Variants in SUMF1 observed in about 807,000 individuals in gnomAD.
The protein encoded by SUMF1 is sulfatase modifying factor 1.
SUMF1 carries 48 observed loss-of-function variants against 47.6 expected under a neutral mutation model. The ratio of observed to expected loss-of-function variants is 1.01; its 90% CI spans 0.80 to 1.28. SUMF1 has a LOEUF of 1.28. Ranked by LOEUF, SUMF1 falls within the 50% of genes most tolerant of loss-of-function variation. The pLI, the probability that SUMF1 is intolerant of heterozygous loss-of-function variation, is 0.00. For missense variants in SUMF1, 571 were observed against 485.4 expected, an observed-to-expected ratio of 1.18 and a Z score of -1.66; for synonymous variants, 230 against 192.1, an observed-to-expected ratio of 1.20 and a Z score of -1.63.
intron 8 of SUMF1, among the ~76,000 whole-genome samples, chr3:4,355,596 T>C (rs989404264): frequency 6.6e-6 from 1 of 152,186 alleles, no homozygotes; most frequent in African/African-American, 2.4e-5. Context: ...AGTCTGTTAG[T>C]GGTTTCACTT....
At chr3:4,328,498 T>C (rs1243722200) in intron 8 of SUMF1, among the ~76,000 whole-genome samples, 1 of 152,146 alleles carries the variant, frequency 6.6e-6, no homozygotes, top group Non-Finnish European at 1.5e-5. Context: ...ACATCTTACA[T>C]GGTGGCAGGC....
intron 8 of SUMF1, chr3:4,313,462 G>T (rs367921221): frequency 3.7e-6 from 6 of 1,613,848 alleles, no homozygotes; most frequent in Non-Finnish European, 4.2e-6. Context: ...TGACTCAATG[G>T]TACCTAAGTT....
rs538865669 is a variant in SUMF1, at chr3:4,074,707, A to T, written c.1015-5962T>A. On this transcript the variant is annotated intron_variant and NMD_transcript_variant, in intron 8 of 12. Transcript: ENST00000448413. ...AAACTACCATCAGAGAATAGTATAA[A>T]CACCTCTATGCAAATAAATTAGAAA... Among the ~76,000 whole-genome samples, 16 of 152,260 alleles carry T rather than the reference A, an allele frequency of 1.1e-4. No homozygotes were observed. In the South Asian group the frequency reaches 3.3e-3, roughly 32 times the overall value.
At chr3:4,412,541 A>C (rs1701577261) in intron 6 of SUMF1, among the ~76,000 whole-genome samples, 1 of 152,218 alleles carries the variant, frequency 6.6e-6, no homozygotes, top group South Asian at 2.1e-4. Context: ...GAAGAAATTC[A>C]GTTATTTCAG....
intron 8 of SUMF1, among the ~76,000 whole-genome samples, chr3:4,275,079 C>G (rs7427537): frequency 1.3e-5 from 2 of 152,058 alleles, no homozygotes; most frequent in South Asian, 4.2e-4. Flanking sequence ...TAGGGTTGGT[C>G]TGGGTTTTTG....
At chr3:4,406,036 T>A (rs1292929664) in intron 7 of SUMF1, among the ~76,000 whole-genome samples, 1 of 152,156 alleles carries the variant, frequency 6.6e-6, no homozygotes, top group Non-Finnish European at 1.5e-5. Flanking sequence ...TTTTCTTTTT[T>A]CCCTGCCTCG....
chr3:4,217,453 T>C (rs186191632), intron 8 of SUMF1, among the ~76,000 whole-genome samples: 1,348 of 134,746 alleles, frequency 0.01, 39 homozygotes, highest in African/African-American at 0.035. Context: ...CCATGGCACA[T>C]GTATACCTAT....
At chr3:4,081,104 A>T (rs1479797094) in intron 8 of SUMF1, among the ~76,000 whole-genome samples, 2 of 152,110 alleles carry the variant, frequency 1.3e-5, no homozygotes, top group Non-Finnish European at 1.5e-5. Context: ...TGACATAATG[A>T]CCTCACTTTT....
intron 8 of SUMF1, among the ~76,000 whole-genome samples, chr3:4,114,608 A>G (rs1693381761): frequency 6.6e-6 from 1 of 152,150 alleles, no homozygotes; most frequent in African/African-American, 2.4e-5. Flanking sequence ...GACCCGTATC[A>G]GGTTAAACCA....
At chr3:4,159,114 G>T (rs1466242226) in intron 8 of SUMF1, among the ~76,000 whole-genome samples, 1 of 151,132 alleles carries the variant, frequency 6.6e-6, no homozygotes, top group African/African-American at 2.5e-5. Context: ...ATAATATTCT[G>T]TGTTTCTCTG....
intron 3 of SUMF1, among the ~76,000 whole-genome samples, chr3:4,429,464 G>C (rs1575211733): frequency 1.3e-5 from 2 of 152,190 alleles, no homozygotes; most frequent in Non-Finnish European, 2.9e-5. Flanking sequence ...AAGCTTCTGA[G>C]AAGAGAGGTC....
intron 2 of SUMF1, 59 bp from the exon 3 acceptor site, chr3:4,449,399 T>C: frequency 6.6e-7 from 1 of 1,520,160 alleles, no homozygotes; most frequent in Non-Finnish European, 9.1e-7. Flanking sequence ...GTTGCATGTG[T>C]GCCCTTTTCT....
intron 8 of SUMF1, among the ~76,000 whole-genome samples, chr3:4,194,052 T>C (rs992591717): frequency 7.2e-5 from 11 of 152,136 alleles, no homozygotes; most frequent in African/African-American, 1.7e-4. Flanking sequence ...CAATTGTCTA[T>C]TGCAACACTG....
chr3:4,128,860 C>T (rs1240852515), intron 8 of SUMF1, among the ~76,000 whole-genome samples: 1 of 152,082 alleles, frequency 6.6e-6, no homozygotes, highest in African/African-American at 2.4e-5. Context: ...AGGGACTCTG[C>T]ATTTAATGTT....
intron 7 of SUMF1, among the ~76,000 whole-genome samples, chr3:4,378,290 T>G (rs996845719): frequency 2.0e-5 from 3 of 152,202 alleles, no homozygotes; most frequent in African/African-American, 7.2e-5. Flanking sequence ...TGCTGAATAC[T>G]GAACTGAAAG....
intron 8 of SUMF1, among the ~76,000 whole-genome samples, chr3:4,335,960 C>CAAAATAAACAA (rs1699139023): frequency 1.4e-5 from 1 of 73,908 alleles, no homozygotes. Context: ...GATTCCAACT[C>CAAAATAAACAA]AAAAAAAAAA....
At chr3:4,430,198 T>C (rs1364331961) in intron 3 of SUMF1, among the ~76,000 whole-genome samples, 1 of 152,148 alleles carries the variant, frequency 6.6e-6, no homozygotes, top group East Asian at 1.9e-4. Flanking sequence ...GTACGGAGAA[T>C]AAAAGGTTCC....
chr3:4,450,368 A>T (rs1702928612), intron 2 of SUMF1, among the ~76,000 whole-genome samples: 1 of 152,198 alleles, frequency 6.6e-6, no homozygotes, highest in Non-Finnish European at 1.5e-5. Flanking sequence ...ACTAGATGAA[A>T]TTAACTGAGT....
chr3:4,210,927 A>T (rs995567817), intron 8 of SUMF1, among the ~76,000 whole-genome samples: 10 of 151,350 alleles, frequency 6.6e-5, no homozygotes, highest in African/African-American at 2.4e-4. Context: ...AAAAGGCTAG[A>T]CTGGCATAGC....
Sources: allele counts gnomAD v4.1 joint callset (sites outside exome capture counted in the v4.1 genomes callset), GRCh38; gene constraint gnomAD v4.1.1; transcripts MANE v1.5; gene names NCBI Gene and HGNC (gene_info 2026-07-23, HGNC 2026-07-21).